The following THADA variants were observed in gnomAD, a reference collection of about 807,000 sequenced individuals.
THADA encodes THADA armadillo repeat containing.
A neutral mutation model predicts 219.8 loss-of-function variants in THADA; 213 were observed. That is an observed-to-expected ratio of 0.97 (90% CI 0.87 to 1.09). The LOEUF is 1.09. Among genes scored for constraint, THADA ranks in the 50% least tolerant of loss-of-function variants. The probability of loss-of-function intolerance (pLI) is 0.00; values close to 1 mark genes in which losing one functional copy is unlikely to be tolerated. For synonymous variants in THADA, 1,018 were observed against 828.9 expected, an observed-to-expected ratio of 1.23 and a Z score of -3.92; for missense variants, 2,956 against 2,311.3, an observed-to-expected ratio of 1.28 and a Z score of -5.72.
intron 26 of THADA, among the ~76,000 whole-genome samples, chr2:43,437,189 T>A (rs188993906): frequency 6.6e-6 from 1 of 152,324 alleles, no homozygotes; most frequent in African/African-American, 2.4e-5. Context: ...CCACTCAGGT[T>A]TGCTTCAATT....
chr2:43,353,925 C>T (rs941318551), intron 29 of THADA, among the ~76,000 whole-genome samples: 2 of 152,116 alleles, frequency 1.3e-5, no homozygotes, highest in Non-Finnish European at 2.9e-5. Context: ...TCACGCCATT[C>T]TCCTGCCTCA....
intron 29 of THADA, among the ~76,000 whole-genome samples, chr2:43,356,830 T>C (rs930659516): frequency 6.6e-6 from 1 of 152,218 alleles, no homozygotes; most frequent in South Asian, 2.1e-4. Context: ...TAATGGGATG[T>C]ATGTGCCTAC....
At chr2:43,298,017 C>CCG (rs1558541138) in intron 31 of THADA, among the ~76,000 whole-genome samples, 1 of 111,258 alleles carries the variant, frequency 9.0e-6, no homozygotes, top group Admixed American at 8.1e-5. Context: ...GTCAGCCCCC[C>CCG]GGCCCGGCCA....
At position 43,514,851 on chromosome 2, in the gene THADA, T is replaced by C. The variant is rs1257194102; in HGVS notation, c.3375-6071A>G. Among the ~76,000 whole-genome samples the C allele has an allele frequency of 6.8e-5, 6 of 87,912 alleles. 1 individual carries two copies. The highest frequency in any genetic ancestry group is 1.2e-4 in the Non-Finnish European group (6 of 51,922). 57.7% of individuals were successfully genotyped at this position (87,912 alleles called of 152,430 possible). A position where few individuals can be genotyped will look rare whatever the true frequency, so the allele number is the denominator to read the frequency against. On this transcript the variant is annotated intron_variant, in intron 22 of 37. Transcript: ENST00000405975. ...ACAATATATATTTTATATATAATAA[T>C]ATGTACAATATATATTTTATGTATA...
At chr2:43,505,871 T>C in intron 23 of THADA, 136 bp from the exon 24 acceptor site, 1 of 657,462 alleles carries the variant, frequency 1.5e-6, no homozygotes, top group Non-Finnish European at 2.6e-6. Flanking sequence ...AATTAAGCCA[T>C]GTGGCCGTGG....
intron 36 of THADA, among the ~76,000 whole-genome samples, chr2:43,275,425 A>C (rs936711137): frequency 1.3e-5 from 2 of 152,188 alleles, no homozygotes; most frequent in African/African-American, 4.8e-5. Flanking sequence ...TGCCAGGAAA[A>C]GCAAGAAGCC....
At chr2:43,545,489 G>A (rs1447358899) in intron 20 of THADA, among the ~76,000 whole-genome samples, 1 of 152,224 alleles carries the variant, frequency 6.6e-6, no homozygotes, top group East Asian at 1.9e-4. Context: ...ATTCGGCTGT[G>A]AATCCATCTG....
chr2:43,496,481 TAG>T (rs1688294805), intron 25 of THADA, among the ~76,000 whole-genome samples: 1 of 152,176 alleles, frequency 6.6e-6, no homozygotes, highest in Non-Finnish European at 1.5e-5. Context: ...AAACTTTTGA[TAG>T]AGTTTATTTG....
chr2:43,462,712 T>A (rs777141860), intron 26 of THADA, among the ~76,000 whole-genome samples: 91 of 152,186 alleles, frequency 6.0e-4, no homozygotes, highest in Non-Finnish European at 9.6e-4. Context: ...ATGGTTGCCA[T>A]TTGCGGGGAT....
At chr2:43,291,483 T>A (rs1177253987) in intron 34 of THADA, among the ~76,000 whole-genome samples, 187 of 42,216 alleles carry the variant, frequency 4.4e-3, no homozygotes, top group African/African-American at 4.8e-3. Flanking sequence ...AAAAAAAAAA[T>A]CCTAAAACAA....
chr2:43,306,257 C>T (rs182689651), intron 31 of THADA, among the ~76,000 whole-genome samples: 2 of 152,272 alleles, frequency 1.3e-5, no homozygotes, highest in Admixed American at 1.3e-4. Context: ...AGCAATTTAC[C>T]TGCCTTGGCC....
Position 43,332,933 on chromosome 2 carries a change from G to C in THADA, c.4343+11189C>G, listed in dbSNP as rs6544643. On this transcript the variant is annotated intron_variant, in intron 30 of 37. Transcript: ENST00000405975. ...AAGGACTATTTTTATTTCTCGCTGC[G>C]GTATGAAGAAGCTTTGATCTTGGAC... Among the ~76,000 whole-genome samples, 762 of 152,128 alleles carry C rather than the reference G, an allele frequency of 5.0e-3. 2 individuals are homozygous for C. The highest frequency in any genetic ancestry group is 0.017 in the Middle Eastern group (5 of 294).
chr2:43,404,440 A>C (rs1573488608), intron 28 of THADA, among the ~76,000 whole-genome samples: 4 of 138,324 alleles, frequency 2.9e-5, no homozygotes, highest in East Asian at 2.1e-4. Flanking sequence ...TGCTCCTCCC[A>C]CTCTGGCATC....
intron 25 of THADA, among the ~76,000 whole-genome samples, chr2:43,489,014 TTA>T (rs1238733001): frequency 6.6e-6 from 1 of 152,216 alleles, no homozygotes; most frequent in African/African-American, 2.4e-5. Context: ...TTGTCGTTTA[TTA>T]TTGAGTTATA....
chr2:43,292,266 C>A, intron 32 of THADA, 44 bp from the exon 33 acceptor site: 2 of 1,246,632 alleles, frequency 1.6e-6, no homozygotes, highest in Non-Finnish European at 2.3e-6. Flanking sequence ...AATAAATACT[C>A]AGGGAGATGT....
At chr2:43,514,279 A>C (rs929097539) in intron 22 of THADA, among the ~76,000 whole-genome samples, 1 of 149,746 alleles carries the variant, frequency 6.7e-6, no homozygotes, top group South Asian at 2.1e-4. Flanking sequence ...GTGAAACACT[A>C]TCTCTACAAA....
intron 33 of THADA, 167 bp downstream of exon 33, chr2:43,291,937 A>G (rs1276869504): frequency 4.0e-6 from 3 of 753,610 alleles, no homozygotes; most frequent in African/African-American, 3.6e-5. Flanking sequence ...TATTAATGCA[A>G]ATCACTGACA....
At chr2:43,281,845 C>G (rs551693636) in intron 35 of THADA, among the ~76,000 whole-genome samples, 3 of 152,230 alleles carry the variant, frequency 2.0e-5, no homozygotes, top group African/African-American at 7.2e-5. Context: ...ATGGCTCACA[C>G]TGCAGGCTCG....
chr2:43,447,214 C>T (rs942617365), intron 26 of THADA, among the ~76,000 whole-genome samples: 4 of 152,190 alleles, frequency 2.6e-5, no homozygotes, highest in South Asian at 2.1e-4. Flanking sequence ...CCACCAGTTC[C>T]GTCCTACGAT....
Sources: gnomAD v4.1 joint callset for allele counts (sites outside exome capture counted in the v4.1 genomes callset) on GRCh38, gnomAD v4.1.1 for gene constraint, MANE v1.5 for transcripts, NCBI Gene and HGNC (gene_info 2026-07-23, HGNC 2026-07-21) for gene names.